Variants in CDK8 observed in about 807,000 individuals in gnomAD.
CDK8 encodes the protein cyclin-dependent kinase 8.
Under a neutral mutation model 71.5 loss-of-function variants are expected in CDK8, and 29 were observed. The ratio of observed to expected loss-of-function variants is 0.41; its 90% CI spans 0.30 to 0.55. CDK8 has a LOEUF of 0.55. CDK8 is among the 20% of genes least tolerant of loss of function. The pLI is 0.37. For missense variants in CDK8, 288 were observed against 572.6 expected, an observed-to-expected ratio of 0.50 and a Z score of 5.07; for synonymous variants, 161 against 192.1, an observed-to-expected ratio of 0.84 and a Z score of 1.34.
chr13:26,344,664 AT>A (rs1309041809), intron 2 of CDK8, among the ~76,000 whole-genome samples: 2 of 151,994 alleles, frequency 1.3e-5, no homozygotes, highest in Non-Finnish European at 1.5e-5. Flanking sequence ...AGACATGAGA[AT>A]TGCTTGAATC....
chr13:26,361,896 C>T (rs1489169426), intron 4 of CDK8, among the ~76,000 whole-genome samples: 1 of 145,496 alleles, frequency 6.9e-6, no homozygotes, highest in Non-Finnish European at 1.5e-5. Flanking sequence ...TTCCAAAGTG[C>T]CGGGATTACA....
intron 1 of CDK8, among the ~76,000 whole-genome samples, chr13:26,278,332 T>G (rs1872628048): frequency 6.6e-6 from 1 of 152,230 alleles, no homozygotes; most frequent in Non-Finnish European, 1.5e-5. Flanking sequence ...CATTTTACAT[T>G]TTTAAAATAA....
intron 1 of CDK8, among the ~76,000 whole-genome samples, chr13:26,298,364 G>A (rs1873662134): frequency 6.6e-6 from 1 of 152,104 alleles, no homozygotes; most frequent in African/African-American, 2.4e-5. Context: ...GGCCACAGAA[G>A]TTCAAGAGAC....
intron 6 of CDK8, among the ~76,000 whole-genome samples, chr13:26,389,194 G>A (rs895385747): frequency 1.3e-5 from 2 of 151,990 alleles, no homozygotes; most frequent in Non-Finnish European, 2.9e-5. Flanking sequence ...ACAGAGTCTC[G>A]CTCTGTCACC....
chr13:26,316,381 A>G (rs1465079947), intron 1 of CDK8, among the ~76,000 whole-genome samples: 1 of 152,144 alleles, frequency 6.6e-6, no homozygotes, highest in African/African-American at 2.4e-5. Flanking sequence ...CAGTAAAAAG[A>G]GAGATATAGG....
rs71188725 is a variant in CDK8 at position 26,363,327 on chromosome 13, C to CA, written c.456+9461dup. Among the ~76,000 whole-genome samples, 15 of 45,248 alleles carry CA rather than the reference C, an allele frequency of 3.3e-4. 2 individuals are homozygous for CA. The highest frequency in any genetic ancestry group is 2.1e-3 in the East Asian group (2 of 974). 29.7% of individuals were successfully genotyped at this position (45,248 alleles called of 152,430 possible). A position where few individuals can be genotyped will look rare whatever the true frequency, so the allele number is the denominator to read the frequency against. ...TGGGTGACAGAGCAAGACTCCATCT[C>CA]AAAAAAAAAAAAAAGAAATTTGGAG... On this transcript the variant is annotated intron_variant, in intron 4 of 12. Transcript: ENST00000381527.
chr13:26,360,535 A>T (rs1265946126), intron 4 of CDK8, among the ~76,000 whole-genome samples: 1 of 152,082 alleles, frequency 6.6e-6, no homozygotes, highest in Non-Finnish European at 1.5e-5. Flanking sequence ...CTAAAATCCT[A>T]TTACAGCTAC....
chr13:26,302,744 T>A (rs976422365), intron 1 of CDK8, among the ~76,000 whole-genome samples: 15 of 152,236 alleles, frequency 9.9e-5, no homozygotes, highest in Non-Finnish European at 1.8e-4. Flanking sequence ...ACATCCCTAA[T>A]CCAGGTTACA....
intron 1 of CDK8, among the ~76,000 whole-genome samples, chr13:26,257,153 C>T (rs1239738426): frequency 6.6e-6 from 1 of 152,098 alleles, no homozygotes; most frequent in Non-Finnish European, 1.5e-5. Context: ...TATTCTGCAG[C>T]TGAGATTTGT....
Position 26,349,098 on chromosome 13 carries a change from C to G in CDK8, c.231C>G (p.Asn77Lys). 1 of 1,611,988 alleles carries G rather than the reference C, an allele frequency of 6.2e-7. No individual in the cohort carries two copies. Among genetic ancestry groups the G allele is most frequent in the South Asian group, 1.1e-5 (1 of 90,976 alleles). ...IALLRELKHP[N>K]VISLQKVFLS... Reference sequence around the variant, plus strand: ...TACTTCGAGAGCTTAAGCATCCAAACGTCATTTCTCTTCAAAAGGTGTTTC... The same window carrying G: ...TACTTCGAGAGCTTAAGCATCCAAAGGTCATTTCTCTTCAAAAGGTGTTTC... The change falls in exon 3 of 13, where the codon AAC becomes AAG. Residue 77 changes from asparagine to lysine, a missense_variant. By Grantham distance (94) the Asn-to-Lys change is moderately conservative. Around this residue, in one of 6 missense-constraint regions of CDK8, gnomAD observed 95 missense variants for 177.3 expected, o/e 0.54. Transcript: ENST00000381527.
At chr13:26,322,710 G>A (rs566188749) in intron 1 of CDK8, among the ~76,000 whole-genome samples, 13 of 152,172 alleles carry the variant, frequency 8.5e-5, no homozygotes, top group Admixed American at 5.9e-4. Flanking sequence ...TATCTGACTC[G>A]AGTTATTGAC....
intron 1 of CDK8, among the ~76,000 whole-genome samples, chr13:26,329,384 T>C (rs1199703595): frequency 1.3e-5 from 2 of 151,858 alleles, no homozygotes; most frequent in African/African-American, 4.8e-5. Flanking sequence ...ATATAATATT[T>C]TCTTCTTAAC....
chr13:26,328,168 AATC>A (rs1875111226), intron 1 of CDK8, among the ~76,000 whole-genome samples: 1 of 152,164 alleles, frequency 6.6e-6, no homozygotes, highest in Admixed American at 6.5e-5. Context: ...CCCCCTTAAT[AATC>A]ATCATACCTC....
intron 2 of CDK8, among the ~76,000 whole-genome samples, chr13:26,339,223 A>G (rs970376050): frequency 1.6e-4 from 25 of 151,822 alleles, no homozygotes; most frequent in Admixed American, 3.3e-4. Context: ...ATTTCCCAAT[A>G]TTTTCTTCTA....
intron 1 of CDK8, among the ~76,000 whole-genome samples, chr13:26,259,282 G>A (rs1401802773): frequency 2.6e-5 from 4 of 152,080 alleles, no homozygotes; most frequent in African/African-American, 9.7e-5. Flanking sequence ...AGCAACTGTG[G>A]TTCAAAAATT....
intron 1 of CDK8, among the ~76,000 whole-genome samples, chr13:26,280,100 T>G (rs180874571): frequency 7.5e-4 from 114 of 152,314 alleles, no homozygotes; most frequent in African/African-American, 1.9e-3. Context: ...AAATATTACA[T>G]TTTTCAAAAC....
chr13:26,398,228 G>C (rs1345418208), intron 9 of CDK8, among the ~76,000 whole-genome samples: 3 of 152,028 alleles, frequency 2.0e-5, no homozygotes, highest in African/African-American at 2.4e-5. Flanking sequence ...TCCAGATAAT[G>C]GTTTATTATA....
chr13:26,394,719 G>A (rs1461833109), intron 7 of CDK8, among the ~76,000 whole-genome samples: 1 of 152,192 alleles, frequency 6.6e-6, no homozygotes, highest in Admixed American at 6.5e-5. Context: ...TCAGAGGTTA[G>A]GGTGGTTTAT....
In CDK8 at chr13:26,283,540, A is replaced by G. The variant is rs189298539; in HGVS notation, c.128+28771A>G. Among the ~76,000 whole-genome samples, 673 of 152,142 alleles carry G rather than the reference A, an allele frequency of 4.4e-3. 4 individuals are homozygous for G. Among genetic ancestry groups the G allele is most frequent in the African/African-American group, 0.015 (636 of 41,536 alleles). ...GGAGAATTGCTTGAACCTGGGAGGC[A>G]GGGGTTGCAGTGAGCCAAGATCGTG... On this transcript the variant is annotated intron_variant, in intron 1 of 12. Transcript: ENST00000381527.
Sources: allele counts gnomAD v4.1 joint callset (sites outside exome capture counted in the v4.1 genomes callset), GRCh38; gene constraint gnomAD v4.1.1; regional missense constraint gnomAD v4.1.1; transcripts MANE v1.5; gene names NCBI Gene and HGNC (gene_info 2026-07-23, HGNC 2026-07-21).